Variants in CHRM3 observed in about 807,000 individuals in gnomAD.
CHRM3 encodes cholinergic receptor muscarinic 3.
In CHRM3, 11 loss-of-function variants were observed where a neutral mutation model predicts 41.8. The ratio of observed to expected loss-of-function variants is 0.26; its 90% CI spans 0.17 to 0.44. CHRM3 has a LOEUF of 0.44. Ranked by LOEUF, CHRM3 falls within the 20% of genes least tolerant of loss-of-function variation. The pLI, the probability that CHRM3 is intolerant of heterozygous loss-of-function variation, is 1.00. For missense variants in CHRM3, 571 were observed against 745.4 expected (o/e 0.77, Z 2.72); for synonymous variants, 297 against 301.4 (o/e 0.99, Z 0.15).
At chr1:239,775,584 G>A (rs1668026466) in intron 5 of CHRM3, among the ~76,000 whole-genome samples, 1 of 152,200 alleles carries the variant, frequency 6.6e-6, no homozygotes. Flanking sequence ...TTCTCTGGAT[G>A]TGTGTATAAC....
intron 2 of CHRM3, among the ~76,000 whole-genome samples, chr1:239,507,437 A>G (rs1668648104): frequency 6.6e-6 from 1 of 152,202 alleles, no homozygotes; most frequent in African/African-American, 2.4e-5. Flanking sequence ...TCCACCTTCT[A>G]CCATGATTGT....
intron 3 of CHRM3, among the ~76,000 whole-genome samples, chr1:239,610,253 T>C (rs1272752793): frequency 6.6e-6 from 1 of 151,250 alleles, no homozygotes; most frequent in Non-Finnish European, 1.5e-5. Flanking sequence ...AAATCACCTT[T>C]TTATCCCTAA....
At chr1:239,871,311 G>A (rs542607315) in intron 6 of CHRM3, among the ~76,000 whole-genome samples, 5 of 152,018 alleles carry the variant, frequency 3.3e-5, no homozygotes, top group Non-Finnish European at 5.9e-5. Context: ...GTGCGATTTC[G>A]GCTCACTGCA....
chr1:239,838,885 ATG>A (rs1210925667), intron 6 of CHRM3, among the ~76,000 whole-genome samples: 8 of 152,212 alleles, frequency 5.3e-5, no homozygotes, highest in African/African-American at 1.9e-4. Flanking sequence ...ACAGATAAAT[ATG>A]CTTTTATATA....
chr1:239,639,121 A>ATGTC (rs1670809374), intron 4 of CHRM3, among the ~76,000 whole-genome samples: 2 of 151,720 alleles, frequency 1.3e-5, no homozygotes, highest in Non-Finnish European at 2.9e-5. Context: ...CCATTGATCT[A>ATGTC]TATCTCTGTT....
intron 5 of CHRM3, among the ~76,000 whole-genome samples, chr1:239,688,835 AATAT>A (rs898527324): frequency 1.6e-4 from 23 of 140,792 alleles, no homozygotes; most frequent in South Asian, 1.5e-3. Flanking sequence ...TATATTATAT[AATAT>A]ATATATTTAT....
intron 5 of CHRM3, among the ~76,000 whole-genome samples, chr1:239,725,511 C>T (rs1430868059): frequency 1.3e-5 from 2 of 151,898 alleles, no homozygotes; most frequent in Admixed American, 1.3e-4. Context: ...AAATGTCTCA[C>T]TGAATAAATA....
intron 1 of CHRM3, among the ~76,000 whole-genome samples, chr1:239,426,468 C>CAA (rs11333335): frequency 6.4e-4 from 66 of 103,336 alleles, no homozygotes; most frequent in Admixed American, 2.3e-3. Context: ...ACTCACCCCG[C>CAA]AAAAAAAAAA....
intron 3 of CHRM3, among the ~76,000 whole-genome samples, chr1:239,566,491 T>C (rs1331811852): frequency 6.6e-6 from 1 of 152,220 alleles, no homozygotes; most frequent in East Asian, 1.9e-4. Context: ...ACACATTATA[T>C]CTTTTGTATC....
chr1:239,784,419 T>C (rs573327739), intron 5 of CHRM3, among the ~76,000 whole-genome samples: 1 of 152,326 alleles, frequency 6.6e-6, no homozygotes, highest in South Asian at 2.1e-4. Flanking sequence ...CTATTTTTAT[T>C]TTTTAGTGGT....
At chr1:239,604,867 C>T (rs1225391695) in intron 3 of CHRM3, among the ~76,000 whole-genome samples, 2 of 152,132 alleles carry the variant, frequency 1.3e-5, no homozygotes, top group Non-Finnish European at 2.9e-5. Context: ...CACTCTATTT[C>T]TTGGTTGTTT....
chr1:239,474,755 A>T (rs1572423193), intron 1 of CHRM3, among the ~76,000 whole-genome samples: 1 of 152,246 alleles, frequency 6.6e-6, no homozygotes, highest in East Asian at 1.9e-4. Flanking sequence ...TTGTTGCAGA[A>T]GGTGGGCTAC....
chr1:239,883,330 C>A (rs773231245), intron 6 of CHRM3, among the ~76,000 whole-genome samples: 2 of 152,196 alleles, frequency 1.3e-5, no homozygotes, highest in Non-Finnish European at 2.9e-5. Context: ...CAGTTACACA[C>A]CCTTCATCTC....
chr1:239,708,817 G>A (rs1001941114), intron 5 of CHRM3, among the ~76,000 whole-genome samples: 3 of 128,772 alleles, frequency 2.3e-5, no homozygotes, highest in African/African-American at 5.9e-5. Flanking sequence ...CTTAGTGGAT[G>A]AAACAGAAGT....
intron 5 of CHRM3, among the ~76,000 whole-genome samples, chr1:239,758,491 C>G (rs1260151161): frequency 6.6e-6 from 1 of 152,108 alleles, no homozygotes; most frequent in African/African-American, 2.4e-5. Flanking sequence ...AAATGGTTGG[C>G]AATTGCTTAT....
chr1:239,673,175 A>G (rs1674547601), intron 4 of CHRM3, among the ~76,000 whole-genome samples: 1 of 152,106 alleles, frequency 6.6e-6, no homozygotes, highest in Non-Finnish European at 1.5e-5. Context: ...AGAATGAAGG[A>G]GTGGGAGAAT....
At position 239,907,245 on chromosome 1, in the gene CHRM3, A is replaced by G. The variant is rs1328981638; in HGVS notation, c.-19-188A>G. Among the ~76,000 whole-genome samples, 3 of 152,212 alleles carry G rather than the reference A, an allele frequency of 2.0e-5. No individual in the cohort carries two copies. Among genetic ancestry groups the G allele is most frequent in the Non-Finnish European group, 4.4e-5 (3 of 68,032 alleles). On this transcript the variant is annotated intron_variant, in intron 6 of 6. Coordinates refer to ENST00000676153, the MANE Select transcript of CHRM3 (RefSeq NM_001375978.1). The surrounding 1 kb of genome is among the most constrained non-coding windows in gnomAD (Gnocchi z 5.4). ...GCCACCAATTATATAATACTATCTC[A>G]AACAAATCGATGTCTGTCTGCCCTA...
At chr1:239,461,910 T>G (rs967713051) in intron 1 of CHRM3, among the ~76,000 whole-genome samples, 3 of 152,108 alleles carry the variant, frequency 2.0e-5, no homozygotes, top group Non-Finnish European at 2.9e-5. Context: ...GCATTCTCAA[T>G]TCTCTCCCAC....
chr1:239,672,199 T>C (rs1373028196), intron 4 of CHRM3, among the ~76,000 whole-genome samples: 1 of 152,142 alleles, frequency 6.6e-6, no homozygotes, highest in East Asian at 1.9e-4. Flanking sequence ...CCAAGATAGC[T>C]AGAGGACTTG....
Sources: gnomAD v4.1 joint callset for allele counts (sites outside exome capture counted in the v4.1 genomes callset) on GRCh38, gnomAD v4.1.1 for gene constraint, Gnocchi (gnomAD v3.1) non-coding constraint, MANE v1.5 for transcripts, NCBI Gene and HGNC (gene_info 2026-07-23, HGNC 2026-07-21) for gene names.